DNAH10: variants seen among roughly 807,000 people sequenced by gnomAD.
DNAH10 encodes the protein axonemal beta dynein heavy chain 10.
A neutral mutation model predicts 506.6 loss-of-function variants in DNAH10; 348 were observed. The ratio of observed to expected loss-of-function variants is 0.69; its 90% CI spans 0.63 to 0.75. DNAH10 has a LOEUF of 0.75. Ranked by LOEUF, DNAH10 falls within the 30% of genes least tolerant of loss-of-function variation. The pLI is 0.00. For synonymous variants in DNAH10, 2,059 were observed against 2,198.6 expected (o/e 0.94, Z 1.78); for missense variants, 5,179 against 5,787.1 (o/e 0.89, Z 3.41).
At chr12:123,828,580 C>T (rs1043047359) in intron 25 of DNAH10, among the ~76,000 whole-genome samples, 14 of 152,128 alleles carry the variant, frequency 9.2e-5, no homozygotes, top group African/African-American at 2.9e-4. Context: ...TATCTTAGTG[C>T]ACCTGAAGGG....
chr12:123,934,976 C>A, intron 78 of DNAH10: 2 of 663,580 alleles, frequency 3.0e-6, no homozygotes, highest in Non-Finnish European at 2.5e-6. Flanking sequence ...GCCGGTCCTT[C>A]CAGAGGTGTC....
At chr12:123,866,485 T>C (rs10734909) in intron 41 of DNAH10, among the ~76,000 whole-genome samples, 76,075 of 151,432 alleles carry the variant, frequency 0.5, 19,359 homozygotes, top group Middle Eastern at 0.52. Context: ...GCTCGTGATC[T>C]GCCCGCCTCA....
rs1010000901 is a variant in DNAH10 at position 123,772,775 on chromosome 12, G to C, written c.397-59G>C. The C allele has an allele frequency of 1.5e-5, 20 of 1,292,084 alleles. No homozygotes were observed. In the African/African-American group the frequency reaches 2.8e-4, roughly 18 times the overall value. 80.0% of individuals were successfully genotyped at this position (1,292,084 alleles called of 1,614,324 possible). Reference sequence around the variant, plus strand: ...GAGCTTAGGTGTACTTGAATATTAGGTTCTTTAGGTGAATGGATGTATCAC... The same window carrying C: ...GAGCTTAGGTGTACTTGAATATTAGCTTCTTTAGGTGAATGGATGTATCAC... On this transcript the variant is annotated intron_variant, in intron 3 of 78. Coordinates refer to ENST00000673944, the MANE Select transcript of DNAH10 (RefSeq NM_001372106.1).
chr12:123,906,813 T>G (rs1953804175), intron 57 of DNAH10, among the ~76,000 whole-genome samples: 1 of 152,256 alleles, frequency 6.6e-6, no homozygotes, highest in African/African-American at 2.4e-5. Context: ...TTTTATAATC[T>G]TTTAAGTCCT....
intron 19 of DNAH10, among the ~76,000 whole-genome samples, chr12:123,811,516 T>G (rs1338369554): frequency 6.6e-6 from 1 of 151,732 alleles, no homozygotes; most frequent in East Asian, 1.9e-4. Context: ...TATTTTTTTT[T>G]TTGAGATAGA....
At chr12:123,847,261 T>C (rs1006483891) in intron 32 of DNAH10, among the ~76,000 whole-genome samples, 1 of 138,170 alleles carries the variant, frequency 7.2e-6, no homozygotes, top group Non-Finnish European at 1.5e-5. Flanking sequence ...TATCTATCTA[T>C]CTATCCATCC....
At chr12:123,933,783 G>T (rs1457238027) in intron 77 of DNAH10, among the ~76,000 whole-genome samples, 1 of 152,342 alleles carries the variant, frequency 6.6e-6, no homozygotes, top group East Asian at 1.9e-4. Flanking sequence ...CTAGCTCATG[G>T]CAAGTGGGCT....
In DNAH10 at chr12:123,868,033, T is replaced by C. The variant is rs1951881632; in HGVS notation, c.7433T>C (p.Met2478Thr). The C allele has an allele frequency of 6.2e-7, 1 of 1,613,808 alleles. No homozygotes were observed. The change falls in exon 43 of 79, where the codon ATG (methionine) becomes ACG (threonine). Residue 2478 changes from methionine to threonine, a missense_variant. Coordinates refer to ENST00000673944, the MANE Select transcript of DNAH10 (RefSeq NM_001372106.1). ...GCCTCCCTGCTTGAGGATGGAAGGA[T>C]GAAATTTGACGAATATATCAAACGC... ...LGASLLEDGR[M>T]KFDEYIKRLA...
chr12:123,853,159 C>A lies in DNAH10; in HGVS notation c.6292-47C>A, dbSNP rs1214071171. On this transcript the variant is annotated intron_variant, in intron 35 of 78. Transcript: ENST00000673944. The surrounding 1 kb of genome is among the most constrained non-coding windows in gnomAD (Gnocchi z 4.7). ...GAATGATGCTCCATTGCTTTTGAAT[C>A]ATTTTCTTTTTTCTTTTTTTTTGTA... 3 of 1,484,260 alleles carry A rather than the reference C, an allele frequency of 2.0e-6. No individual in the cohort carries two copies. The highest frequency in any genetic ancestry group is 1.4e-5 in the African/African-American group (1 of 70,888). 91.9% of individuals were successfully genotyped at this position (1,484,260 alleles called of 1,614,324 possible).
At position 123,808,699 on chromosome 12, in the gene DNAH10, A is replaced by C. The variant is rs1958809413; in HGVS notation, c.2988-98A>C. 1.3e-5 allele frequency: 17 copies of C among 1,293,844 alleles called. No homozygotes were observed. The African/African-American group carries it at 1.9e-4, about 14-fold the overall frequency. The allele number at this position is 1,293,844 out of a possible 1,614,324, so 80.1% of individuals were successfully genotyped here. ...AGCCTCACAGTGTGCCATTGCCTGT[A>C]CCTGTGATTTTTGTGGCCCTGGTCA... On this transcript the variant is annotated intron_variant, in intron 18 of 78. Transcript: ENST00000673944.
At chr12:123,893,505 A>G in intron 53 of DNAH10, 69 bp downstream of exon 53, 1 of 1,570,090 alleles carries the variant, frequency 6.4e-7, no homozygotes, top group Non-Finnish European at 8.7e-7. Context: ...GGGTCTGTCC[A>G]CACCTCTCCA....
In DNAH10 at chr12:123,813,651, G is replaced by T. The variant is rs766109961; in HGVS notation, c.3621+11G>T. ...CATGAAGAGATGGAGGTACTCAATC[G>T]CTGTGTGTAATTGAAACTACTTTTC... On this transcript the variant is annotated intron_variant, in intron 20 of 78. Transcript: ENST00000673944. The T allele has an allele frequency of 3.1e-6, 5 of 1,613,366 alleles. No homozygotes were observed. Among genetic ancestry groups the T allele is most frequent in the Non-Finnish European group, 4.2e-6 (5 of 1,179,534 alleles).
Position 123,881,764 on chromosome 12 carries a change from C to A in DNAH10, c.8774C>A (p.Ser2925Ter). The A allele has an allele frequency of 6.5e-7, 1 of 1,533,740 alleles. No individual in the cohort carries two copies. Among genetic ancestry groups the A allele is most frequent in the Non-Finnish European group, 8.8e-7 (1 of 1,138,568 alleles). The change falls in exon 51 of 79, where the codon TCA becomes TAA. Residue 2925 changes from serine (S) to a stop codon, truncating the protein, a stop_gained. Coordinates refer to ENST00000673944, the MANE Select transcript of DNAH10 (RefSeq NM_001372106.1). LOFTEE classifies it high-confidence loss of function. ...GCCCTGCTGGTCGGGGTAGGGGGCT[C>A]AGGGAAGCAGTCTCTTTCGAGGCTG... The part of the protein sequence containing the change: ...GHALLVGVGG[S>*]GKQSLSRLAA...
At chr12:123,770,227 G>A (rs1040912877) in intron 2 of DNAH10, among the ~76,000 whole-genome samples, 5 of 151,822 alleles carry the variant, frequency 3.3e-5, no homozygotes, top group Admixed American at 6.6e-5. Context: ...CAGCCTGGGT[G>A]ACACAGTGAG....
intron 36 of DNAH10, among the ~76,000 whole-genome samples, chr12:123,854,497 T>A (rs1283486902): frequency 6.6e-6 from 1 of 152,196 alleles, no homozygotes; most frequent in East Asian, 1.9e-4. Flanking sequence ...CAAGCATGCA[T>A]TCATAGGCTC....
chr12:123,800,386 T>C lies in DNAH10; in HGVS notation c.2460T>C (p.Leu820=). 6.2e-7 allele frequency: 1 copy of C among 1,610,742 alleles called. No homozygotes were observed. The highest frequency in any genetic ancestry group is 8.5e-7 in the Non-Finnish European group (1 of 1,179,294). ...RNVALQEDKF[L]RYTAGIQRML... ...TTGCTCTCCAGGAAGACAAATTCCT[T>C]AGGTAAAAAAATTCTTCTTTTAAAT... Residue 820 remains leucine (L), a splice_region_variant and synonymous_variant, in exon 15 of 79, where the codon CTT becomes CTC. Coordinates refer to ENST00000673944, the MANE Select transcript of DNAH10 (RefSeq NM_001372106.1).
chr12:123,772,613 T>G (rs999949748), intron 3 of DNAH10, among the ~76,000 whole-genome samples: 4 of 152,208 alleles, frequency 2.6e-5, no homozygotes, highest in Non-Finnish European at 4.4e-5. Flanking sequence ...TAGGTGTTGC[T>G]GTACTGGTTG....
intron 2 of DNAH10, among the ~76,000 whole-genome samples, chr12:123,768,127 C>T (rs1225338441): frequency 1.4e-5 from 2 of 143,628 alleles, no homozygotes; most frequent in Admixed American, 6.9e-5. Flanking sequence ...TCTCCTCCTC[C>T]TCCTCCTCCT....
chr12:123,807,730 AAG>A (rs1958735132), intron 18 of DNAH10, among the ~76,000 whole-genome samples: 2 of 145,196 alleles, frequency 1.4e-5, no homozygotes, highest in African/African-American at 5.1e-5. Flanking sequence ...CAACTGGAGA[AAG>A]AGGAGGAGAG....
Sources: gnomAD v4.1 joint callset for allele counts (sites outside exome capture counted in the v4.1 genomes callset) on GRCh38, gnomAD v4.1.1 for gene constraint, Gnocchi (gnomAD v3.1) non-coding constraint, MANE v1.5 for transcripts, NCBI Gene and HGNC (gene_info 2026-07-23, HGNC 2026-07-21) for gene names.